The following CNOT10 variants were observed in gnomAD, a reference collection of about 807,000 sequenced individuals.
The protein encoded by CNOT10 is CCR4-NOT transcription complex subunit 10, also known as CCR4-NOT transcription complex, subunit 10.
A neutral mutation model predicts 94.6 loss-of-function variants in CNOT10; 30 were observed. The ratio of observed to expected loss-of-function variants is 0.32; its 90% CI spans 0.24 to 0.43. The LOEUF (loss-of-function observed/expected upper bound fraction) is 0.43. Among genes scored for constraint, CNOT10 ranks in the 20% least tolerant of loss-of-function variants. The probability of loss-of-function intolerance (pLI) is 1.00; values close to 1 mark genes in which losing one functional copy is unlikely to be tolerated. For missense variants in CNOT10, 759 were observed against 877.2 expected, an observed-to-expected ratio of 0.87 and a Z score of 1.70; for synonymous variants, 289 against 301.6, an observed-to-expected ratio of 0.96 and a Z score of 0.43.
Position 32,759,537 on chromosome 3 carries a change from C to G in CNOT10, c.1675C>G (p.Leu559Val), listed in dbSNP as rs1369262206. The change falls in exon 14 of 19, where the codon CTT becomes GTT. Residue 559 changes from leucine (L) to valine (V), a missense_variant. Leu to Val is a conservative substitution (Grantham distance 32). Around this residue, in one of 3 missense-constraint regions of CNOT10, gnomAD observed 682 missense variants for 799.4 expected, o/e 0.85. Coordinates refer to ENST00000328834, the MANE Select transcript of CNOT10 (RefSeq NM_015442.3). Reference protein sequence around the residue: ...NLMALNHADKLLQQPKLSGSL... With the variant: ...NLMALNHADKVLQQPKLSGSL... Reference sequence around the variant, plus strand: ...CATGGCTTTGAATCATGCAGATAAACTTCTTCAGCAGCCCAAGCTGTCAGG... The same window carrying G: ...CATGGCTTTGAATCATGCAGATAAAGTTCTTCAGCAGCCCAAGCTGTCAGG... 1 of 1,614,002 alleles carries G rather than the reference C, an allele frequency of 6.2e-7. No homozygotes were observed. Among genetic ancestry groups the G allele is most frequent in the South Asian group, 1.1e-5 (1 of 91,076 alleles).
At chr3:32,756,236 G>T (rs961559897) in intron 13 of CNOT10, among the ~76,000 whole-genome samples, 3 of 152,106 alleles carry the variant, frequency 2.0e-5, no homozygotes, top group Non-Finnish European at 2.9e-5. Flanking sequence ...TAATCCTGAT[G>T]GCTCTTAATC....
intron 12 of CNOT10, among the ~76,000 whole-genome samples, chr3:32,737,180 T>C (rs1433632548): frequency 6.6e-6 from 1 of 151,954 alleles, no homozygotes; most frequent in African/African-American, 2.4e-5. Flanking sequence ...CTGGGCGTGG[T>C]GGTGTGCGCC....
chr3:32,727,080 C>T (rs1380730651), intron 9 of CNOT10, among the ~76,000 whole-genome samples: 3 of 151,904 alleles, frequency 2.0e-5, no homozygotes, highest in Non-Finnish European at 2.9e-5. Context: ...CTCCTGACTT[C>T]GTGATCTGCC....
chr3:32,702,761 T>C (rs1205282913), intron 1 of CNOT10, among the ~76,000 whole-genome samples: 1 of 152,182 alleles, frequency 6.6e-6, no homozygotes, highest in Non-Finnish European at 1.5e-5. Flanking sequence ...AGCACAATAT[T>C]CTCAGCTTGA....
chr3:32,686,724 C>T (rs563574018), intron 1 of CNOT10, among the ~76,000 whole-genome samples: 4 of 152,296 alleles, frequency 2.6e-5, no homozygotes, highest in East Asian at 3.9e-4. Flanking sequence ...CCAACATCTT[C>T]CTCCTTATTT....
At chr3:32,747,842 G>A (rs529554164) in intron 13 of CNOT10, among the ~76,000 whole-genome samples, 31 of 152,260 alleles carry the variant, frequency 2.0e-4, no homozygotes, top group African/African-American at 7.5e-4. Flanking sequence ...CAGCTCCTCG[G>A]GAGGCTGAGG....
At chr3:32,704,047 AT>A in intron 2 of CNOT10, 85 bp downstream of exon 2, 1 of 771,614 alleles carries the variant, frequency 1.3e-6, no homozygotes, top group Non-Finnish European at 2.1e-6. Context: ...TAAATTTACA[AT>A]TTTTACTCTG....
At chr3:32,723,847 G>A (rs762755426) in intron 8 of CNOT10, among the ~76,000 whole-genome samples, 5 of 152,254 alleles carry the variant, frequency 3.3e-5, no homozygotes, top group South Asian at 2.1e-4. Context: ...TTGGGAGGTC[G>A]AGGCAGGAGG....
chr3:32,736,689 C>T (rs1699202745), intron 12 of CNOT10, among the ~76,000 whole-genome samples: 1 of 152,060 alleles, frequency 6.6e-6, no homozygotes, highest in African/African-American at 2.4e-5. Context: ...GTAGGAGGAT[C>T]GCCTGAGCCC....
chr3:32,757,459 A>C (rs928545863), intron 13 of CNOT10, among the ~76,000 whole-genome samples: 1 of 152,094 alleles, frequency 6.6e-6, no homozygotes, highest in South Asian at 2.1e-4. Context: ...GATTACAGGC[A>C]TGAGCCACCG....
intron 13 of CNOT10, among the ~76,000 whole-genome samples, chr3:32,755,369 AGT>A (rs1317331223): frequency 5.6e-5 from 7 of 124,658 alleles, no homozygotes; most frequent in Non-Finnish European, 8.0e-5. Flanking sequence ...CCCAGGCTGG[AGT>A]GCAATGGCAT....
chr3:32,769,975 C>T lies in CNOT10; in HGVS notation c.2080+13C>T, dbSNP rs770948593. The T allele has an allele frequency of 6.2e-7, 1 of 1,602,638 alleles. No individual in the cohort carries two copies. The highest frequency in any genetic ancestry group is 2.2e-5 in the East Asian group (1 of 44,790). The stretch of plus-strand genomic sequence containing the variant: ...GAACTGCAGAATGGTGAGTAATTCT[C>T]TCTGTTTAGGACTTTATCCCTTGAA... On this transcript the variant is annotated intron_variant, in intron 18 of 18. Coordinates refer to ENST00000328834, the MANE Select transcript of CNOT10 (RefSeq NM_015442.3).
intron 12 of CNOT10, among the ~76,000 whole-genome samples, chr3:32,735,709 C>T (rs1699158947): frequency 6.6e-6 from 1 of 151,964 alleles, no homozygotes; most frequent in Non-Finnish European, 1.5e-5. Context: ...GACTCCATCT[C>T]AAAAAAACAG....
At position 32,685,492 on chromosome 3, in the gene CNOT10, C is replaced by T. The variant is rs1338288316; in HGVS notation, c.22+10C>T. 6 of 1,550,152 alleles carry T rather than the reference C, an allele frequency of 3.9e-6. No individual in the cohort carries two copies. The African/African-American group carries it at 8.2e-5, about 21-fold the overall frequency. On this transcript the variant is annotated intron_variant, in intron 1 of 18. Transcript: ENST00000328834. ...GCAGACAAGCCTGCAGGTAGGGCGC[C>T]AATGTCCCGAGCGACGAGACGGCGG...
chr3:32,770,387 G>A (rs578028208), intron 18 of CNOT10, among the ~76,000 whole-genome samples: 6 of 140,366 alleles, frequency 4.3e-5, no homozygotes, highest in East Asian at 2.2e-4. Flanking sequence ...GTGCAGTGGC[G>A]CGATCTCGGC....
chr3:32,703,831 T>A (rs776522362), intron 1 of CNOT10, 37 bp from the exon 2 acceptor site: 2 of 1,493,232 alleles, frequency 1.3e-6, no homozygotes, highest in Non-Finnish European at 1.9e-6. Flanking sequence ...TGTACAACTT[T>A]TATTTCTAAA....
At chr3:32,740,589 G>A (rs1007668054) in intron 13 of CNOT10, among the ~76,000 whole-genome samples, 3 of 151,782 alleles carry the variant, frequency 2.0e-5, no homozygotes, top group East Asian at 1.9e-4. Context: ...GTGGCTGGGC[G>A]CGGTGGCTCA....
At chr3:32,738,172 G>A (rs1350679557) in intron 13 of CNOT10, among the ~76,000 whole-genome samples, 5 of 152,140 alleles carry the variant, frequency 3.3e-5, no homozygotes, top group Non-Finnish European at 7.4e-5. Flanking sequence ...CGGGCGCTAA[G>A]GCCTCCTGGA....
intron 1 of CNOT10, among the ~76,000 whole-genome samples, chr3:32,685,965 CG>C (rs1488188692): frequency 1.3e-5 from 2 of 151,890 alleles, no homozygotes; most frequent in Non-Finnish European, 2.9e-5. Context: ...TAGAGACGGG[CG>C]GGGGTCTCGC....
Sources: gnomAD v4.1 joint callset for allele counts (sites outside exome capture counted in the v4.1 genomes callset) on GRCh38, gnomAD v4.1.1 for gene constraint, gnomAD v4.1.1 regional missense constraint, MANE v1.5 for transcripts, NCBI Gene and HGNC (gene_info 2026-07-23, HGNC 2026-07-21) for gene names.